The following CASD1 variants were observed in gnomAD, a reference collection of about 807,000 sequenced individuals.
The protein encoded by CASD1 is N-acetylneuraminate (7)9-O-acetyltransferase.
A neutral mutation model predicts 100.0 loss-of-function variants in CASD1; 41 were observed. The observed-to-expected ratio is 0.41, with a 90% confidence interval of 0.32 to 0.53. CASD1 has a LOEUF of 0.53. CASD1 is among the 20% of genes least tolerant of loss of function. CASD1 has a pLI of 0.25. For missense variants in CASD1, 774 were observed against 948.7 expected (o/e 0.82, Z 2.42); for synonymous variants, 321 against 315.6 (o/e 1.02, Z -0.18).
chr7:94,544,702 T>C (rs1795591754), intron 11 of CASD1, among the ~76,000 whole-genome samples, 172 bp downstream of exon 11: 1 of 152,086 alleles, frequency 6.6e-6, no homozygotes, highest in Non-Finnish European at 1.5e-5. Context: ...TCAAGATAAA[T>C]TATTAGTGAA....
chr7:94,527,013 TCGG>T, intron 3 of CASD1, 146 bp from the exon 4 acceptor site: 1 of 609,602 alleles, frequency 1.6e-6, no homozygotes. Flanking sequence ...TTTTTCCCTT[TCGG>T]GTTGAATGTA....
At position 94,533,729 on chromosome 7, in the gene CASD1, A is replaced by G. The variant is rs1794970398; in HGVS notation, c.555A>G (p.Lys185=). Reference sequence around the variant, plus strand: ...GCAGTGAAGCGCTTTCTCAATATAAAATGAACATCACCTCCATAGCACCAC... The same window carrying G: ...GCAGTGAAGCGCTTTCTCAATATAAGATGAACATCACCTCCATAGCACCAC... The part of the protein sequence containing the change: ...NGSSEALSQY[K]MNITSIAPLL... The change falls in exon 7 of 18, where the codon AAA becomes AAG. Residue 185 remains lysine (K), a synonymous_variant. Transcript: ENST00000297273. 1.9e-6 allele frequency: 3 copies of G among 1,606,924 alleles called. No homozygotes were observed. Among genetic ancestry groups the G allele is most frequent in the Non-Finnish European group, 2.5e-6 (3 of 1,176,636 alleles).
At chr7:94,583,124 C>T in the CASD1 span, among the ~76,000 whole-genome samples, 3 of 152,198 alleles carry the variant, frequency 2.0e-5, no homozygotes, top group Admixed American at 6.5e-5. Flanking sequence ...GAGGCACTGA[C>T]CTTGATGTTA....
chr7:94,605,538 A>C, the CASD1 span, among the ~76,000 whole-genome samples: 1 of 152,186 alleles, frequency 6.6e-6, no homozygotes, highest in African/African-American at 2.4e-5. Context: ...GAGATGAGGG[A>C]AAGACAGGGA....
the CASD1 span, chr7:94,597,271 T>G: frequency 6.6e-6 from 1 of 152,176 alleles, no homozygotes; most frequent in Non-Finnish European, 1.5e-5. Flanking sequence ...CATACACACA[T>G]GCACATAAAC....
At chr7:94,618,024 A>G in the CASD1 span, 1 of 152,250 alleles carries the variant, frequency 6.6e-6, no homozygotes, top group Non-Finnish European at 1.5e-5. Context: ...GCCTCAACCT[A>G]CAGATTAAAA....
chr7:94,557,467 T>C (rs866543926), downstream of CASD1, among the ~76,000 whole-genome samples: 1 of 152,134 alleles, frequency 6.6e-6, no homozygotes, highest in Non-Finnish European at 1.5e-5. Context: ...CCAAGTACTG[T>C]GATCACATTA....
At position 94,556,484 on chromosome 7, in the gene CASD1, C is replaced by G. The variant is rs755617690; in HGVS notation, c.*726C>G. ...GCCAAAATTTTTTTTCCAATCCAAA[C>G]GTTCACCTGTTTCCTTTCCTCAAGC... On this transcript the variant is annotated 3_prime_UTR_variant, in exon 18 of 18. Coordinates refer to ENST00000297273, the MANE Select transcript of CASD1 (RefSeq NM_022900.5). 6.6e-6 allele frequency: 1 copy of G among 152,002 alleles called. No homozygotes were observed. Among genetic ancestry groups the G allele is most frequent in the African/African-American group, 2.4e-5 (1 of 41,396 alleles). 9.4% of individuals were successfully genotyped at this position (152,002 alleles called of 1,614,324 possible). A position where few individuals can be genotyped will look rare whatever the true frequency, so the allele number is the denominator to read the frequency against.
intron 1 of CASD1, 71 bp downstream of exon 1, chr7:94,510,288 C>A (rs1584363876): frequency 1.7e-6 from 2 of 1,204,604 alleles, no homozygotes; most frequent in Non-Finnish European, 2.2e-6. Context: ...GAGGCCGCCC[C>A]CATCGCCCAA....
At chr7:94,577,542 A>G in the CASD1 span, among the ~76,000 whole-genome samples, 1 of 152,214 alleles carries the variant, frequency 6.6e-6, no homozygotes, top group Non-Finnish European at 1.5e-5. Context: ...ACAGAGACTC[A>G]GGATTATCCC....
chr7:94,628,254 A>T, the CASD1 span: 1 of 1,610,772 alleles, frequency 6.2e-7, no homozygotes, highest in Non-Finnish European at 8.5e-7. Context: ...CCCATATAGG[A>T]CTCCATCACT....
chr7:94,549,463 C>T, intron 13 of CASD1, 70 bp from the exon 14 acceptor site: 1 of 1,056,336 alleles, frequency 9.5e-7, no homozygotes. Context: ...AAACTATAAT[C>T]TGTAATAGAA....
the CASD1 span, among the ~76,000 whole-genome samples, chr7:94,615,243 C>T: frequency 2.0e-5 from 3 of 152,102 alleles, no homozygotes; most frequent in African/African-American, 7.2e-5. Flanking sequence ...CCTGTAATCT[C>T]AGCTAATCAG....
At chr7:94,599,584 A>C in the CASD1 span, 1 of 857,140 alleles carries the variant, frequency 1.2e-6, no homozygotes, top group Admixed American at 1.9e-5. Context: ...TTATGAAATA[A>C]ACTATGAAAG....
At chr7:94,603,211 G>T in the CASD1 span, 2 of 1,088,950 alleles carry the variant, frequency 1.8e-6, no homozygotes, top group Non-Finnish European at 2.8e-6. Flanking sequence ...ATTCCTAAAA[G>T]CAGTTCAGGT....
chr7:94,521,264 G>C (rs1794252397), intron 3 of CASD1, among the ~76,000 whole-genome samples: 1 of 152,094 alleles, frequency 6.6e-6, no homozygotes, highest in African/African-American at 2.4e-5. Flanking sequence ...AGTAATTTCT[G>C]AAGGATAACC....
the CASD1 span, chr7:94,585,598 A>G: frequency 2.3e-6 from 2 of 876,056 alleles, no homozygotes; most frequent in African/African-American, 3.3e-5. Flanking sequence ...AATTATGGCA[A>G]GGAGAAAGTT....
At chr7:94,562,580 C>T in the CASD1 span, among the ~76,000 whole-genome samples, 1 of 152,042 alleles carries the variant, frequency 6.6e-6, no homozygotes, top group South Asian at 2.1e-4. Context: ...GAAAGTTCTC[C>T]TTATCCTGTT....
chr7:94,551,272 C>T (rs753044946), intron 14 of CASD1, 66 bp from the exon 15 acceptor site: 5 of 1,324,606 alleles, frequency 3.8e-6, no homozygotes, highest in Admixed American at 2.8e-5. Flanking sequence ...TCCTCACTAA[C>T]CAAATATTTT....
Sources: gnomAD v4.1 joint callset for allele counts (sites outside exome capture counted in the v4.1 genomes callset) on GRCh38, gnomAD v4.1.1 for gene constraint, MANE v1.5 for transcripts, NCBI Gene and HGNC (gene_info 2026-07-23, HGNC 2026-07-21) for gene names.